Variants in ARK2N observed in about 807,000 individuals in gnomAD.
The protein encoded by ARK2N is arkadia (RNF111) N-terminal like PKA signaling regulator 2N.
At chr18:46,229,726 C>T in the ARK2N span, among the ~76,000 whole-genome samples, 8 of 151,990 alleles carry the variant, frequency 5.3e-5, no homozygotes, top group African/African-American at 1.5e-4. Context: ...AAGTGATCTT[C>T]CCTAGTAGCT....
chr18:46,193,479 G>A, the ARK2N span, among the ~76,000 whole-genome samples: 14 of 151,758 alleles, frequency 9.2e-5, no homozygotes, highest in Admixed American at 9.2e-4. Context: ...AGTAGAGATG[G>A]GGTTTCACCA....
At chr18:46,176,823 G>C in the ARK2N span, among the ~76,000 whole-genome samples, 1 of 152,060 alleles carries the variant, frequency 6.6e-6, no homozygotes, top group African/African-American at 2.4e-5. Context: ...CTCTGTGTTG[G>C]TCAGGCTGGT....
chr18:46,179,436 C>T, the ARK2N span, among the ~76,000 whole-genome samples: 1 of 151,976 alleles, frequency 6.6e-6, no homozygotes, highest in Admixed American at 6.6e-5. Flanking sequence ...CTTTTCCTTA[C>T]TTTTTCAGAA....
chr18:46,240,111 TA>T, the ARK2N span: 1 of 1,614,206 alleles, frequency 6.2e-7, no homozygotes, highest in African/African-American at 1.3e-5. Flanking sequence ...AAGAGCACAG[TA>T]ATTCTGTAGG....
chr18:46,189,429 T>C, the ARK2N span, among the ~76,000 whole-genome samples: 1 of 152,106 alleles, frequency 6.6e-6, no homozygotes, highest in Non-Finnish European at 1.5e-5. Context: ...AAACTTACTT[T>C]AAAGGAGTCT....
chr18:46,206,091 A>G, the ARK2N span, among the ~76,000 whole-genome samples: 1 of 146,472 alleles, frequency 6.8e-6, no homozygotes, highest in Admixed American at 6.9e-5. Context: ...CTACCACCAA[A>G]CTTTTTTTTT....
chr18:46,222,160 T>C, the ARK2N span, among the ~76,000 whole-genome samples: 110,830 of 152,154 alleles, frequency 0.73, 40,521 homozygotes, highest in Middle Eastern at 0.77. Context: ...CAGCTTTAAA[T>C]GATTGACCTT....
the ARK2N span, among the ~76,000 whole-genome samples, chr18:46,256,225 A>T: frequency 3.9e-5 from 6 of 152,206 alleles, no homozygotes; most frequent in Admixed American, 2.0e-4. Flanking sequence ...AGGAATAGGT[A>T]GTAACCTGTA....
At chr18:46,218,405 T>C in the ARK2N span, 1 of 152,328 alleles carries the variant, frequency 6.6e-6, no homozygotes, top group East Asian at 1.9e-4. Context: ...AAAATACACA[T>C]AGTTTTCTAA....
the ARK2N span, among the ~76,000 whole-genome samples, chr18:46,211,597 T>C: frequency 6.6e-6 from 1 of 152,122 alleles, no homozygotes; most frequent in Non-Finnish European, 1.5e-5. Flanking sequence ...AAGGAGGATT[T>C]CAAAAATGAA....
chr18:46,234,493 C>T, the ARK2N span, among the ~76,000 whole-genome samples: 23 of 152,194 alleles, frequency 1.5e-4, no homozygotes, highest in African/African-American at 2.7e-4. Context: ...CCACTGTGCC[C>T]GGCCTCATTT....
the ARK2N span, among the ~76,000 whole-genome samples, chr18:46,235,829 A>T: frequency 6.6e-6 from 1 of 152,238 alleles, no homozygotes; most frequent in African/African-American, 2.4e-5. Flanking sequence ...CATGGGATAA[A>T]CAGTAAAGGA....
At chr18:46,248,509 G>GTTTTCCTTCTACCCCTCCTTACTGC in the ARK2N span, among the ~76,000 whole-genome samples, 3 of 152,132 alleles carry the variant, frequency 2.0e-5, no homozygotes, top group Non-Finnish European at 2.9e-5. Context: ...ATGACCACTG[G>GTTTTCCTTCTACCCCTCCTTACTGC]TTTTCCTTCT....
chr18:46,230,217 G>A, the ARK2N span, among the ~76,000 whole-genome samples: 1 of 152,158 alleles, frequency 6.6e-6, no homozygotes, highest in Non-Finnish European at 1.5e-5. Flanking sequence ...GAGGCACCGC[G>A]CCTGGCCTGT....
the ARK2N span, among the ~76,000 whole-genome samples, chr18:46,245,515 G>A: frequency 6.7e-6 from 1 of 149,288 alleles, no homozygotes; most frequent in Non-Finnish European, 1.5e-5. Context: ...AGGTTGCAGT[G>A]AGCCGAGATT....
the ARK2N span, among the ~76,000 whole-genome samples, chr18:46,244,956 T>C: frequency 6.6e-6 from 1 of 152,022 alleles, no homozygotes; most frequent in African/African-American, 2.4e-5. Flanking sequence ...TTGTTGGAGA[T>C]GGATTCCAGC....
the ARK2N span, among the ~76,000 whole-genome samples, chr18:46,243,646 T>A: frequency 5.0e-4 from 76 of 152,350 alleles, 2 homozygotes; most frequent in Non-Finnish European, 8.8e-5. Context: ...TCCATTTCAA[T>A]TCTTGCCATG....
the ARK2N span, among the ~76,000 whole-genome samples, chr18:46,229,255 G>A: frequency 6.6e-6 from 1 of 151,898 alleles, no homozygotes; most frequent in African/African-American, 2.4e-5. Context: ...CTTTAAAGTG[G>A]TTACACCTTT....
the ARK2N span, among the ~76,000 whole-genome samples, chr18:46,197,715 T>G: frequency 2.0e-5 from 3 of 152,104 alleles, no homozygotes; most frequent in Non-Finnish European, 4.4e-5. Flanking sequence ...AGTTAGTCGT[T>G]GGATAACATC....
Sources: gnomAD v4.1 joint callset for allele counts (sites outside exome capture counted in the v4.1 genomes callset) on GRCh38, gnomAD v4.1.1 for gene constraint, MANE v1.5 for transcripts, NCBI Gene and HGNC (gene_info 2026-07-23, HGNC 2026-07-21) for gene names.